The following TNRC6C variants were observed in gnomAD, a reference collection of about 807,000 sequenced individuals.
The protein encoded by TNRC6C is trinucleotide repeat-containing gene 6C protein.
Under a neutral mutation model 153.7 loss-of-function variants are expected in TNRC6C, and 20 were observed. The observed-to-expected ratio is 0.13, with a 90% CI of 0.09 to 0.19. TNRC6C has a LOEUF of 0.19. Among genes scored for constraint, TNRC6C ranks in the 10% least tolerant of loss-of-function variants. The probability of loss-of-function intolerance (pLI) is 1.00; values close to 1 mark genes in which losing one functional copy is unlikely to be tolerated. For synonymous variants in TNRC6C, 811 were observed against 841.4 expected (o/e 0.96, Z 0.63); for missense variants, 1,987 against 2,172.0 (o/e 0.91, Z 1.69).
chr17:78,057,805 A>G (rs2072688624), intron 3 of TNRC6C, among the ~76,000 whole-genome samples: 1 of 151,666 alleles, frequency 6.6e-6, no homozygotes, highest in African/African-American at 2.4e-5. Context: ...CTTATAAAAT[A>G]TGATTTCTGA....
intron 1 of TNRC6C, among the ~76,000 whole-genome samples, chr17:77,981,289 A>AGCCATTG (rs1237413119): frequency 6.6e-6 from 1 of 152,136 alleles, no homozygotes; most frequent in Non-Finnish European, 1.5e-5. Context: ...TCATTGATTA[A>AGCCATTG]GCCATTGGCC....
chr17:77,976,150 C>T (rs189628199), intron 1 of TNRC6C, among the ~76,000 whole-genome samples: 1 of 152,280 alleles, frequency 6.6e-6, no homozygotes, highest in East Asian at 1.9e-4. Context: ...ATGTTATCTT[C>T]CTTATATTCA....
At chr17:78,100,626 G>A (rs2073573590) in intron 17 of TNRC6C, among the ~76,000 whole-genome samples, 1 of 152,306 alleles carries the variant, frequency 6.6e-6, no homozygotes, top group Non-Finnish European at 1.5e-5. Context: ...GGCCTGTGAT[G>A]GGAGGGGCTT....
intron 10 of TNRC6C, among the ~76,000 whole-genome samples, chr17:78,082,361 C>T (rs1446270308): frequency 6.6e-6 from 1 of 151,978 alleles, no homozygotes; most frequent in Non-Finnish European, 1.5e-5. Flanking sequence ...CATCGGTATG[C>T]AGAAGTACAG....
intron 1 of TNRC6C, among the ~76,000 whole-genome samples, chr17:77,960,317 A>G (rs1017435630): frequency 3.9e-5 from 6 of 152,152 alleles, no homozygotes; most frequent in Admixed American, 6.5e-5. Flanking sequence ...GACTGGGTTA[A>G]TCCATTGTGT....
At chr17:78,085,446 G>A (rs1483716607) in intron 11 of TNRC6C, among the ~76,000 whole-genome samples, 3 of 152,086 alleles carry the variant, frequency 2.0e-5, no homozygotes, top group Non-Finnish European at 4.4e-5. Context: ...GATGAAGGAG[G>A]CATTTCTAAT....
chr17:77,986,173 T>A (rs1014605968), intron 1 of TNRC6C, among the ~76,000 whole-genome samples: 1 of 152,176 alleles, frequency 6.6e-6, no homozygotes, highest in Non-Finnish European at 1.5e-5. Context: ...TCCCAGCACT[T>A]GGAAGGCCGA....
intron 1 of TNRC6C, among the ~76,000 whole-genome samples, chr17:77,959,507 C>T (rs1443639764): frequency 1.3e-5 from 2 of 152,080 alleles, no homozygotes; most frequent in Non-Finnish European, 2.9e-5. Flanking sequence ...CACAATCAAA[C>T]GGGAGTGGAA....
At chr17:78,042,907 T>C (rs926876873) in intron 2 of TNRC6C, among the ~76,000 whole-genome samples, 3 of 152,130 alleles carry the variant, frequency 2.0e-5, no homozygotes, top group Non-Finnish European at 4.4e-5. Flanking sequence ...ATATTTTAAT[T>C]AGCTCAGTAT....
At chr17:78,093,096 A>T (rs1229686126) in exon 15 of TNRC6C, 1 of 1,613,160 alleles carries the variant, frequency 6.2e-7, no homozygotes, top group Non-Finnish European at 8.5e-7. Context: ...ATAAAATCTC[A>T]AATGGCTCTA....
In TNRC6C at chr17:78,104,963, G is replaced by T. The variant is rs886378075; in HGVS notation, c.*118G>T. ...CGCCCTTTTGAGTACCTCTGTCCAG[G>T]ACTGAAGACGAACCTTGGCCGCAGT... On this transcript the variant is annotated 3_prime_UTR_variant, in exon 20 of 20. Coordinates refer to ENST00000301624, the Ensembl canonical transcript of TNRC6C. This position sits in a 1 kb window ranked among gnomAD's most constrained non-coding sequence, Gnocchi z 6.2. The T allele has an allele frequency of 3.9e-6, 5 of 1,288,812 alleles. No homozygotes were observed. The highest frequency in any genetic ancestry group is 5.0e-6 in the Non-Finnish European group (5 of 1,007,410). 79.8% of individuals were successfully genotyped at this position (1,288,812 alleles called of 1,614,324 possible).
intron 1 of TNRC6C, among the ~76,000 whole-genome samples, chr17:78,019,326 A>G (rs1008543435): frequency 1.3e-5 from 2 of 152,190 alleles, no homozygotes; most frequent in Non-Finnish European, 2.9e-5. Context: ...AAAGTCTGAA[A>G]AGGAGCTCTT....
At chr17:77,995,599 A>G (rs1051313199) in intron 1 of TNRC6C, among the ~76,000 whole-genome samples, 1 of 152,286 alleles carries the variant, frequency 6.6e-6, no homozygotes. Context: ...CTTGCAAACA[A>G]TGAAATCCCA....
Position 78,058,892 on chromosome 17 carries a change from C to T in TNRC6C, c.2396-5830C>T, listed in dbSNP as rs539543254. On this transcript the variant is annotated intron_variant, in intron 3 of 19. Coordinates refer to ENST00000301624, the Ensembl canonical transcript of TNRC6C. ...GATATTTGCTTTAAAACTTAGTTTT[C>T]TGAAACAATTATCATCTTATAAAAT... 2.2e-4 allele frequency among the ~76,000 whole-genome samples: 33 copies of T among 152,280 alleles called. No homozygotes were observed. The South Asian group carries it at 6.6e-3, about 31-fold the overall frequency.
At chr17:78,092,824 A>G in intron 14 of TNRC6C, 109 bp from the exon 17 acceptor site, 2 of 816,248 alleles carry the variant, frequency 2.5e-6, no homozygotes, top group Non-Finnish European at 3.8e-6. Flanking sequence ...TGAATAGGGC[A>G]AGGCATTGGA....
intron 1 of TNRC6C, among the ~76,000 whole-genome samples, chr17:78,007,052 A>G (rs1037460073): frequency 1.2e-4 from 18 of 149,318 alleles, no homozygotes; most frequent in African/African-American, 4.2e-4. Flanking sequence ...CATGTTGGCC[A>G]GGTTGGTCTC....
At chr17:78,050,873 C>G (rs1270232122) in exon 3 of TNRC6C, 13 of 1,613,902 alleles carry the variant, frequency 8.1e-6, no homozygotes, top group Non-Finnish European at 1.1e-5. Flanking sequence ...GATTCATCGT[C>G]TGTCCTTGGA....
chr17:78,012,460 TAACA>T (rs2071652295), intron 1 of TNRC6C, among the ~76,000 whole-genome samples: 1 of 152,176 alleles, frequency 6.6e-6, no homozygotes, highest in South Asian at 2.1e-4. Flanking sequence ...TTTACCTGTG[TAACA>T]AACCTTCATA....
At chr17:78,092,836 C>A in intron 14 of TNRC6C, 97 bp from the exon 17 acceptor site, 1 of 1,046,502 alleles carries the variant, frequency 9.6e-7, no homozygotes. Flanking sequence ...GGCATTGGAC[C>A]TAGAACAGAA....
Sources: gnomAD v4.1 joint callset for allele counts (sites outside exome capture counted in the v4.1 genomes callset) on GRCh38, gnomAD v4.1.1 for gene constraint, Gnocchi (gnomAD v3.1) non-coding constraint, MANE v1.5 for transcripts, NCBI Gene and HGNC (gene_info 2026-07-23, HGNC 2026-07-21) for gene names.